The following VANGL2 variants were observed in gnomAD, a reference collection of about 807,000 sequenced individuals.
VANGL2 encodes the protein VANGL planar cell polarity protein 2.
VANGL2 carries 14 observed loss-of-function variants against 50.2 expected under a neutral mutation model. The observed-to-expected ratio is 0.28, with a 90% confidence interval of 0.18 to 0.44. VANGL2 has a LOEUF of 0.44. VANGL2 is among the 20% of genes least tolerant of loss of function. The probability of loss-of-function intolerance (pLI) is 1.00; values close to 1 mark genes in which losing one functional copy is unlikely to be tolerated. For missense variants in VANGL2, 533 were observed against 701.5 expected, an observed-to-expected ratio of 0.76 and a Z score of 2.71; for synonymous variants, 295 against 297.2, an observed-to-expected ratio of 0.99 and a Z score of 0.08.
At chr1:160,404,265 G>A (rs1650580194) in intron 1 of VANGL2, among the ~76,000 whole-genome samples, 1 of 152,130 alleles carries the variant, frequency 6.6e-6, no homozygotes, top group Non-Finnish European at 1.5e-5. Context: ...GTGAAAACAT[G>A]TTGATTCACT....
chr1:160,424,425 T>A (rs549607516), intron 7 of VANGL2, 142 bp downstream of exon 7: 9 of 908,060 alleles, frequency 9.9e-6, no homozygotes, highest in Middle Eastern at 2.1e-4. Flanking sequence ...TATAATCTTC[T>A]CTCTCATTCC....
At position 160,419,411 on chromosome 1, in the gene VANGL2, G is replaced by C; in HGVS notation, c.602G>C (p.Gly201Ala). 1 of 1,612,300 alleles carries C rather than the reference G, an allele frequency of 6.2e-7. No individual in the cohort carries two copies. Among genetic ancestry groups the C allele is most frequent in the Non-Finnish European group, 8.5e-7 (1 of 1,180,010 alleles). Reference protein sequence around the residue: ...LLVVSYWLFYGVRILDARERS... With the variant: ...LLVVSYWLFYAVRILDARERS... ...GTGGTCTCCTACTGGCTCTTCTATGGTGTGCGCATCCTGGATGCTCGGGAG... is the reference window on the plus strand; with the variant it reads ...GTGGTCTCCTACTGGCTCTTCTATGCTGTGCGCATCCTGGATGCTCGGGAG... Residue 201 changes from glycine to alanine, a missense_variant, in exon 4 of 8, where the codon GGT becomes GCT. Transcript: ENST00000368061. This position sits in a 1 kb window ranked among gnomAD's most constrained non-coding sequence, Gnocchi z 5.8.
chr1:160,417,692 G>T (rs1452239948), intron 3 of VANGL2, among the ~76,000 whole-genome samples: 1 of 152,162 alleles, frequency 6.6e-6, no homozygotes, highest in African/African-American at 2.4e-5. Flanking sequence ...GGTGCTTATT[G>T]CCCAGCCCAG....
At chr1:160,418,458 G>GT (rs1234487986) in intron 3 of VANGL2, among the ~76,000 whole-genome samples, 134 of 141,408 alleles carry the variant, frequency 9.5e-4, no homozygotes, top group Middle Eastern at 3.7e-3. Flanking sequence ...GGAGTTTTTT[G>GT]TTTTTTTTTT....
intron 6 of VANGL2, among the ~76,000 whole-genome samples, chr1:160,422,648 T>G (rs542477798): frequency 2.6e-5 from 4 of 152,170 alleles, no homozygotes; most frequent in Non-Finnish European, 5.9e-5. Context: ...GGCTTTTATT[T>G]TGGTTTTTGG....
Position 160,424,877 on chromosome 1 carries a change from G to A in VANGL2, c.1306-241G>A, listed in dbSNP as rs75763451. 8.5e-3 allele frequency among the ~76,000 whole-genome samples: 1,295 copies of A among 152,208 alleles called. 52 individuals carry two copies. In the East Asian group the frequency reaches 0.088, roughly 10 times the overall value. The stretch of plus-strand genomic sequence containing the variant: ...GCAGCAGATGGGGGTCAGGGGAGCC[G>A]AGTTCAGTCCTACCTGATGAGCCAC... On this transcript the variant is annotated intron_variant, in intron 7 of 7. Transcript: ENST00000368061.
rs1243382374 is a variant in VANGL2 at position 160,424,238 on chromosome 1, C to T, written c.1260C>T (p.Ile420=). The change falls in exon 7 of 8, where the codon ATC becomes ATT. Residue 420 remains isoleucine (I), a synonymous_variant. Transcript: ENST00000368061. Reference sequence around the variant, plus strand: ...AGCCCTACCACACCATGGAGAGCATCCTGCAGCACCTTGAATTCTGCATCA... The same window carrying T: ...AGCCCTACCACACCATGGAGAGCATTCTGCAGCACCTTGAATTCTGCATCA... The part of the protein sequence containing the change: ...KQQPYHTMES[I]LQHLEFCITH... The T allele has an allele frequency of 5.0e-6, 8 of 1,614,090 alleles. No homozygotes were observed. The highest frequency in any genetic ancestry group is 5.1e-6 in the Non-Finnish European group (6 of 1,180,044).
At position 160,427,321 on chromosome 1, in the gene VANGL2, G is replaced by A. The variant is rs1651491271; in HGVS notation, c.*1943G>A. 1 of 152,694 alleles carries A rather than the reference G, an allele frequency of 6.5e-6. No individual in the cohort carries two copies. The allele number at this position is 152,694 out of a possible 1,614,324, so 9.5% of individuals were successfully genotyped here. A position where few individuals can be genotyped will look rare whatever the true frequency, so the allele number is the denominator to read the frequency against. On this transcript the variant is annotated 3_prime_UTR_variant, in exon 8 of 8. Coordinates refer to ENST00000368061, the MANE Select transcript of VANGL2 (RefSeq NM_020335.3). ...GAGTGTGGTGTGGTCTGAGGAGCAG[G>A]TTGGGGTGGGGGAGAGGGAAAGGAT...
At chr1:160,414,367 C>T (rs948677866) in intron 1 of VANGL2, among the ~76,000 whole-genome samples, 14 of 152,204 alleles carry the variant, frequency 9.2e-5, no homozygotes, top group African/African-American at 3.4e-4. Context: ...TGCCTTTGGC[C>T]TTCACACATG....
chr1:160,407,400 G>A (rs1280252620), intron 1 of VANGL2, among the ~76,000 whole-genome samples: 4 of 152,134 alleles, frequency 2.6e-5, no homozygotes, highest in African/African-American at 9.7e-5. Flanking sequence ...CAGTCACACT[G>A]CATCTCACAC....
intron 1 of VANGL2, among the ~76,000 whole-genome samples, chr1:160,408,824 G>A (rs901136721): frequency 6.6e-6 from 1 of 152,188 alleles, no homozygotes; most frequent in Non-Finnish European, 1.5e-5. Context: ...GTTTAGGAAT[G>A]AGGGTCAGGG....
intron 1 of VANGL2, among the ~76,000 whole-genome samples, chr1:160,414,894 G>T (rs1294860987): frequency 6.6e-6 from 1 of 152,146 alleles, no homozygotes. Context: ...TGCAGAATCA[G>T]AAGGTGAAGT....
At chr1:160,405,729 A>G (rs1301126060) in intron 1 of VANGL2, among the ~76,000 whole-genome samples, 1 of 151,800 alleles carries the variant, frequency 6.6e-6, no homozygotes, top group African/African-American at 2.4e-5. Flanking sequence ...CCTAGAGGAG[A>G]GTGGGAGGTG....
At chr1:160,418,750 C>A (rs1651149129) in intron 3 of VANGL2, among the ~76,000 whole-genome samples, 1 of 152,176 alleles carries the variant, frequency 6.6e-6, no homozygotes, top group South Asian at 2.1e-4. Flanking sequence ...CTCTCACTGA[C>A]CAGTGTCCAG....
rs938040055 is a variant in VANGL2 at position 160,427,404 on chromosome 1, T to C, written c.*2026T>C. ...CTGGGGAGTGTTTATTTTAAGATCCTGCCATGTTTTTAATCACTGTGATTT... is the reference window on the plus strand; with the variant it reads ...CTGGGGAGTGTTTATTTTAAGATCCCGCCATGTTTTTAATCACTGTGATTT... On this transcript the variant is annotated 3_prime_UTR_variant, in exon 8 of 8. Coordinates refer to ENST00000368061, the MANE Select transcript of VANGL2 (RefSeq NM_020335.3). 4.6e-5 allele frequency: 7 copies of C among 152,382 alleles called. No individual in the cohort carries two copies. The highest frequency in any genetic ancestry group is 8.8e-5 in the Non-Finnish European group (6 of 67,990). The allele number at this position is 152,382 out of a possible 1,614,324, so 9.4% of individuals were successfully genotyped here.
chr1:160,422,512 C>A (rs899520733), intron 6 of VANGL2, among the ~76,000 whole-genome samples: 6 of 152,026 alleles, frequency 3.9e-5, no homozygotes, highest in African/African-American at 1.5e-4. Context: ...GATAGACATA[C>A]ACAGATCCAC....
intron 1 of VANGL2, among the ~76,000 whole-genome samples, chr1:160,403,238 T>G (rs545361528): frequency 6.6e-6 from 1 of 152,054 alleles, no homozygotes; most frequent in South Asian, 2.1e-4. Context: ...GCATCTAAGA[T>G]GGTGTGCCCT....
At chr1:160,415,580 T>C (rs1428418508) in intron 1 of VANGL2, 68 bp from the exon 2 acceptor site, 1 of 533,154 alleles carries the variant, frequency 1.9e-6, no homozygotes, top group African/African-American at 1.9e-5. Context: ...TGTGTGCAGA[T>C]GGTCTTCCTC....
At position 160,415,684 on chromosome 1, in the gene VANGL2, G is replaced by C. The variant is rs895867734; in HGVS notation, c.-154G>C. ...GATTTTCTCTGAGACAAGCCCACCC[G>C]TCCAGCAAAATAGAGTCCCTCAGGG... is the stretch of plus-strand genomic sequence containing the variant. On this transcript the variant is annotated 5_prime_UTR_variant, in exon 2 of 8. Coordinates refer to ENST00000368061, the MANE Select transcript of VANGL2 (RefSeq NM_020335.3). 1 of 859,070 alleles carries C rather than the reference G, an allele frequency of 1.2e-6. No homozygotes were observed. The highest frequency in any genetic ancestry group is 1.8e-6 in the Non-Finnish European group (1 of 543,984). 53.2% of individuals were successfully genotyped at this position (859,070 alleles called of 1,614,324 possible). A position where few individuals can be genotyped will look rare whatever the true frequency, so the allele number is the denominator to read the frequency against.
Sources: allele counts gnomAD v4.1 joint callset (sites outside exome capture counted in the v4.1 genomes callset), GRCh38; gene constraint gnomAD v4.1.1; non-coding constraint Gnocchi (gnomAD v3.1); transcripts MANE v1.5; gene names NCBI Gene and HGNC (gene_info 2026-07-23, HGNC 2026-07-21).